CRPPA: variants seen among roughly 807,000 people sequenced by gnomAD.
CRPPA encodes the protein CDP-L-ribitol pyrophosphorylase A, also known as D-ribitol-5-phosphate cytidylyltransferase.
CRPPA carries 43 observed loss-of-function variants against 52.0 expected under a neutral mutation model. The ratio of observed to expected loss-of-function variants is 0.83; its 90% CI spans 0.65 to 1.07. The LOEUF is 1.07. Among genes scored for constraint, CRPPA ranks in the 50% least tolerant of loss-of-function variants. The pLI is 0.00. For missense variants in CRPPA, 629 were observed against 551.7 expected, an observed-to-expected ratio of 1.14 and a Z score of -1.40; for synonymous variants, 250 against 203.5, an observed-to-expected ratio of 1.23 and a Z score of -1.94.
intron 9 of CRPPA, among the ~76,000 whole-genome samples, chr7:16,135,004 G>A (rs1428524873): frequency 6.6e-6 from 1 of 151,950 alleles, no homozygotes; most frequent in African/African-American, 2.4e-5. Context: ...CCTTTAAGTG[G>A]AACACACTAT....
chr7:16,263,124 C>T (rs978166006), intron 6 of CRPPA, among the ~76,000 whole-genome samples: 2 of 152,044 alleles, frequency 1.3e-5, no homozygotes, highest in Non-Finnish European at 2.9e-5. Context: ...CCTAGAAGAG[C>T]TTCATTTTTC....
intron 3 of CRPPA, among the ~76,000 whole-genome samples, chr7:16,348,859 C>A (rs1356821611): frequency 6.6e-6 from 1 of 152,194 alleles, no homozygotes; most frequent in African/African-American, 2.4e-5. Context: ...AAGTGCCACA[C>A]TTCTAGAGCT....
intron 8 of CRPPA, among the ~76,000 whole-genome samples, chr7:16,256,265 T>C (rs925311236): frequency 3.3e-5 from 5 of 152,074 alleles, no homozygotes; most frequent in African/African-American, 1.2e-4. Flanking sequence ...TGGCAATCAT[T>C]AAAAAGTCAA....
chr7:16,303,280 G>T (rs941574392), intron 4 of CRPPA, among the ~76,000 whole-genome samples: 2 of 151,956 alleles, frequency 1.3e-5, no homozygotes, highest in African/African-American at 4.8e-5. Flanking sequence ...TAAAGGAATA[G>T]CAGAGGAATC....
intron 9 of CRPPA, among the ~76,000 whole-genome samples, chr7:16,107,690 T>C (rs1018374574): frequency 2.0e-5 from 3 of 151,984 alleles, no homozygotes; most frequent in African/African-American, 4.8e-5. Flanking sequence ...AAATCAATTG[T>C]ATAAGTAAAA....
At chr7:16,294,195 T>C (rs1784623955) in intron 5 of CRPPA, among the ~76,000 whole-genome samples, 1 of 152,016 alleles carries the variant, frequency 6.6e-6, no homozygotes, top group African/African-American at 2.4e-5. Flanking sequence ...CCAAATGTAC[T>C]ATTTGCTTTG....
intron 9 of CRPPA, among the ~76,000 whole-genome samples, chr7:16,204,490 G>T (rs1021947306): frequency 1.3e-5 from 2 of 151,970 alleles, no homozygotes; most frequent in African/African-American, 4.8e-5. Flanking sequence ...GGGGTAAGGG[G>T]GAAATTGATG....
intron 9 of CRPPA, among the ~76,000 whole-genome samples, chr7:16,207,552 CCTCA>C (rs1200970298): frequency 3.3e-5 from 5 of 152,114 alleles, no homozygotes; most frequent in Admixed American, 6.6e-5. Context: ...AAGATATCTC[CCTCA>C]CTCACATATT....
intron 9 of CRPPA, among the ~76,000 whole-genome samples, chr7:16,180,554 G>A (rs1527197): frequency 0.064 from 9,658 of 151,906 alleles, 393 homozygotes; most frequent in East Asian, 0.14. Flanking sequence ...CATTACATGC[G>A]CATGTGGCAA....
chr7:16,367,383 G>A (rs1295803636), intron 3 of CRPPA, among the ~76,000 whole-genome samples: 1 of 152,160 alleles, frequency 6.6e-6, no homozygotes, highest in African/African-American at 2.4e-5. Flanking sequence ...GAACTACACT[G>A]TAAAAACTGA....
intron 2 of CRPPA, among the ~76,000 whole-genome samples, chr7:16,377,534 T>A (rs1786926909): frequency 1.3e-5 from 2 of 152,236 alleles, no homozygotes; most frequent in Non-Finnish European, 2.9e-5. Flanking sequence ...GCAGACTCCG[T>A]CCTCATTGAA....
At chr7:16,398,076 G>C (rs1021093734) in intron 2 of CRPPA, among the ~76,000 whole-genome samples, 1 of 152,258 alleles carries the variant, frequency 6.6e-6, no homozygotes, top group Admixed American at 6.5e-5. Context: ...GGGCATGATT[G>C]ACACGTGAAC....
chr7:16,418,457 C>T (rs1476574261), intron 1 of CRPPA, among the ~76,000 whole-genome samples: 5 of 152,172 alleles, frequency 3.3e-5, no homozygotes, highest in Non-Finnish European at 2.9e-5. Context: ...CTATAAAGAA[C>T]TGCCCAAGAT....
At chr7:16,227,537 C>T (rs1471462254) in intron 8 of CRPPA, among the ~76,000 whole-genome samples, 1 of 151,690 alleles carries the variant, frequency 6.6e-6, no homozygotes, top group Non-Finnish European at 1.5e-5. Flanking sequence ...TTTTCAGACA[C>T]GTCTATTCAG....
intron 3 of CRPPA, among the ~76,000 whole-genome samples, chr7:16,348,629 C>T (rs1786073839): frequency 6.6e-6 from 1 of 152,154 alleles, no homozygotes. Context: ...CAGAAAAAAA[C>T]TCTCATTTTC....
intron 9 of CRPPA, among the ~76,000 whole-genome samples, chr7:16,189,008 T>C (rs773791471): frequency 6.6e-6 from 1 of 152,102 alleles, no homozygotes; most frequent in Non-Finnish European, 1.5e-5. Context: ...TAAATGCAGA[T>C]TGGATGATCC....
chr7:16,323,076 T>G (rs1180298404), intron 3 of CRPPA, among the ~76,000 whole-genome samples: 1 of 152,078 alleles, frequency 6.6e-6, no homozygotes, highest in South Asian at 2.1e-4. Flanking sequence ...CCTTGATACA[T>G]GGAGATTATG....
intron 8 of CRPPA, among the ~76,000 whole-genome samples, chr7:16,246,288 T>C (rs1225093402): frequency 6.6e-6 from 1 of 152,154 alleles, no homozygotes; most frequent in African/African-American, 2.4e-5. Context: ...TCCTCATCCA[T>C]CTAAGTTTTA....
At chr7:16,228,902 C>G (rs1040167923) in intron 8 of CRPPA, among the ~76,000 whole-genome samples, 1 of 151,724 alleles carries the variant, frequency 6.6e-6, no homozygotes, top group Non-Finnish European at 1.5e-5. Context: ...GTTAAAGTAC[C>G]CTACAATTAT....
Sources: allele counts gnomAD v4.1 joint callset (sites outside exome capture counted in the v4.1 genomes callset), GRCh38; gene constraint gnomAD v4.1.1; transcripts MANE v1.5; gene names NCBI Gene and HGNC (gene_info 2026-07-23, HGNC 2026-07-21).